Variants in USH2A observed in about 807,000 individuals in gnomAD.
The protein encoded by USH2A is Usher syndrome 2A (autosomal recessive, mild).
USH2A carries 443 observed loss-of-function variants against 538.9 expected under a neutral mutation model. That is an observed-to-expected ratio of 0.82 (90% CI 0.76 to 0.89). The LOEUF is 0.89. Ranked by LOEUF, USH2A falls within the 40% of genes least tolerant of loss-of-function variation. The pLI is 0.00. For missense variants in USH2A, 6,633 were observed against 6,324.8 expected (o/e 1.05, Z -1.65); for synonymous variants, 2,413 against 2,273.5 (o/e 1.06, Z -1.75).
intron 47 of USH2A, among the ~76,000 whole-genome samples, chr1:215,824,859 T>C (rs1482924650): frequency 1.3e-5 from 2 of 152,180 alleles, no homozygotes; most frequent in African/African-American, 4.8e-5. Flanking sequence ...ATTGGGGAGA[T>C]GGGCATTGTG....
rs571844190 is a variant in USH2A at position 216,073,199 on chromosome 1, G to C, written c.5674C>G (p.Leu1892Val). The C allele has an allele frequency of 1.2e-6, 2 of 1,613,736 alleles. No individual in the cohort carries two copies. The highest frequency in any genetic ancestry group is 8.5e-7 in the Non-Finnish European group (1 of 1,179,938). The change falls in exon 28 of 72, where the codon CTA (leucine) becomes GTA (valine). Residue 1892 changes from leucine (L) to valine (V), a missense_variant. Physicochemically the swap from Leu to Val is conservative, Grantham distance 32. Transcript: ENST00000307340. ...GAVRVNLDGC[L>V]STDSAVNCRG... is the part of the protein sequence containing the mutation. ...CAGTTAACAGCACTGTCAGTTGATAGGCATCCATCCAGATTGACTCTGACA... is the reference window on the plus strand; with the variant it reads ...CAGTTAACAGCACTGTCAGTTGATACGCATCCATCCAGATTGACTCTGACA...
chr1:215,634,699 C>G lies in USH2A; in HGVS notation c.15057G>C (p.Leu5019Phe), dbSNP rs144781528. ...TCTTTTTCCCAGGAGTTGTTAGGAC[C>G]AAGCCTGCAAAACCCAGAGAAAGAA... is the stretch of plus-strand genomic sequence containing the variant. ...IQYDTSTGLG[L>F]VLTTPGKKKG... Residue 5019 changes from leucine (L) to phenylalanine (F), a missense_variant, in exon 70 of 72, where the codon TTG (leucine) becomes TTC (phenylalanine). Leu to Phe is a conservative substitution (Grantham distance 22). Transcript: ENST00000307340. The G allele has an allele frequency of 4.3e-6, 7 of 1,614,114 alleles. No individual in the cohort carries two copies. The highest frequency in any genetic ancestry group is 5.9e-6 in the Non-Finnish European group (7 of 1,180,058).
chr1:215,847,668 AGTTAAACAGCATTAGTCCAAGGATTGG>A (rs1410898274), intron 44 of USH2A, among the ~76,000 whole-genome samples: 2 of 151,972 alleles, frequency 1.3e-5, no homozygotes, highest in African/African-American at 4.8e-5. Flanking sequence ...AAAGAAAAAA[AGTTAAACAGCATTAGTCCAAGGATTGG>A]GAGGAAAAAG....
In USH2A at chr1:215,889,067, A is replaced by G; in HGVS notation, c.7595-13T>C. 6.2e-7 allele frequency: 1 copy of G among 1,612,732 alleles called. No homozygotes were observed. Among genetic ancestry groups the G allele is most frequent in the South Asian group, 1.1e-5 (1 of 91,086 alleles). On this transcript the variant is annotated splice_polypyrimidine_tract_variant and intron_variant, in intron 40 of 71. Transcript: ENST00000307340. ...ACAGGTCCAGGTTCTGTAAAGTAAA[A>G]TAAATCCAGAAAGTCAGACCTCTTG...
chr1:215,962,554 C>G (rs750569355), intron 37 of USH2A, among the ~76,000 whole-genome samples: 4 of 151,802 alleles, frequency 2.6e-5, no homozygotes, highest in Non-Finnish European at 5.9e-5. Flanking sequence ...AAGCATGGTG[C>G]AAAATAATGT....
intron 3 of USH2A, among the ~76,000 whole-genome samples, chr1:216,366,100 G>C (rs2038590891): frequency 6.6e-6 from 1 of 152,072 alleles, no homozygotes; most frequent in Non-Finnish European, 1.5e-5. Flanking sequence ...TTTTGTTCAA[G>C]TGCTTTTAGC....
chr1:216,011,906 C>T (rs1216955096), intron 32 of USH2A, among the ~76,000 whole-genome samples: 1 of 149,878 alleles, frequency 6.7e-6, no homozygotes, highest in African/African-American at 2.5e-5. Context: ...CTCTCTGATC[C>T]ACCTGACATT....
chr1:215,820,513 T>C (rs1241962221), intron 47 of USH2A, among the ~76,000 whole-genome samples: 4 of 151,754 alleles, frequency 2.6e-5, no homozygotes, highest in African/African-American at 7.2e-5. Flanking sequence ...AATACATTCA[T>C]ATAATTTGTA....
At chr1:215,658,892 T>C (rs1657352189) in intron 64 of USH2A, among the ~76,000 whole-genome samples, 1 of 152,242 alleles carries the variant, frequency 6.6e-6, no homozygotes, top group Admixed American at 6.5e-5. Flanking sequence ...CACAATAAGT[T>C]GCTAGAAGAA....
intron 70 of USH2A, among the ~76,000 whole-genome samples, chr1:215,631,481 G>A (rs1656282608): frequency 6.6e-6 from 1 of 152,138 alleles, no homozygotes; most frequent in Admixed American, 6.5e-5. Context: ...TGTCTCTCAT[G>A]GTCTCCAACT....
intron 10 of USH2A, among the ~76,000 whole-genome samples, chr1:216,290,474 A>C (rs1338338012): frequency 6.6e-6 from 1 of 152,164 alleles, no homozygotes; most frequent in African/African-American, 2.4e-5. Flanking sequence ...GTGCTGTGTA[A>C]TACAGTAGTA....
intron 9 of USH2A, among the ~76,000 whole-genome samples, chr1:216,301,209 G>C (rs746849928): frequency 6.6e-6 from 1 of 152,078 alleles, no homozygotes; most frequent in Non-Finnish European, 1.5e-5. Flanking sequence ...TTTGAAAAAA[G>C]AAGGAAGAAA....
chr1:215,967,084 C>G (rs1667364517), intron 36 of USH2A, among the ~76,000 whole-genome samples: 1 of 152,158 alleles, frequency 6.6e-6, no homozygotes, highest in Non-Finnish European at 1.5e-5. Context: ...GTTGGCTTGG[C>G]TTTGGCCTGG....
chr1:215,732,994 C>A (rs1660050415), intron 60 of USH2A, among the ~76,000 whole-genome samples: 1 of 152,090 alleles, frequency 6.6e-6, no homozygotes, highest in African/African-American at 2.4e-5. Context: ...TATTAGGCTC[C>A]TTTTGCATTG....
At position 215,758,671 on chromosome 1, in the gene USH2A, T is replaced by C. The variant is rs1218823336; in HGVS notation, c.11313A>G (p.Thr3771=). 4 of 1,613,928 alleles carry C rather than the reference T, an allele frequency of 2.5e-6. No individual in the cohort carries two copies. The highest frequency in any genetic ancestry group is 3.4e-6 in the Non-Finnish European group (4 of 1,179,858). The change falls in exon 58 of 72, where the codon ACA becomes ACG. Residue 3771 remains threonine (T), a synonymous_variant. Coordinates refer to ENST00000307340, the MANE Select transcript of USH2A (RefSeq NM_206933.4). The part of the protein sequence containing the change: ...DDYIVQTPMS[T]PEEIYPPYNI... The stretch of plus-strand genomic sequence containing the variant: ...TATATGGAGGATAGATTTCTTCTGG[T>C]GTTGACATAGGTGTTTGAACAATGT...
intron 10 of USH2A, 46 bp from the exon 11 acceptor site, chr1:216,289,456 A>C (rs2036956792): frequency 2.5e-6 from 4 of 1,612,170 alleles, no homozygotes; most frequent in Non-Finnish European, 3.4e-6. Context: ...ATTCATTAAA[A>C]TCAGCTGCAT....
chr1:216,188,922 T>C (rs979747654), intron 20 of USH2A, among the ~76,000 whole-genome samples: 1 of 151,960 alleles, frequency 6.6e-6, no homozygotes, highest in Non-Finnish European at 1.5e-5. Flanking sequence ...GTAAGACTGA[T>C]TCTTATTTTA....
rs1436699203 is a variant in USH2A, at chr1:215,625,347, C to T, written c.*434G>A. Reference sequence around the variant, plus strand: ...AATAACTATTCTTGCAGGATTGTGTCAACCCTGACAGAAATGGCAGATAGA... The same window carrying T: ...AATAACTATTCTTGCAGGATTGTGTTAACCCTGACAGAAATGGCAGATAGA... On this transcript the variant is annotated 3_prime_UTR_variant, in exon 72 of 72. Coordinates refer to ENST00000307340, the MANE Select transcript of USH2A (RefSeq NM_206933.4). 3 of 240,072 alleles carry T rather than the reference C, an allele frequency of 1.2e-5. No individual in the cohort carries two copies. Among genetic ancestry groups the T allele is most frequent in the Non-Finnish European group, 2.5e-5 (3 of 121,344 alleles). The allele number at this position is 240,072 out of a possible 1,614,324, so 14.9% of individuals were successfully genotyped here. A position where few individuals can be genotyped will look rare whatever the true frequency, so the allele number is the denominator to read the frequency against.
intron 47 of USH2A, among the ~76,000 whole-genome samples, chr1:215,831,335 G>A (rs1036659507): frequency 2.0e-5 from 3 of 152,066 alleles, no homozygotes; most frequent in African/African-American, 4.8e-5. Context: ...GTATATAGAT[G>A]ATCTGAACAC....
Sources: gnomAD v4.1 joint callset for allele counts (sites outside exome capture counted in the v4.1 genomes callset) on GRCh38, gnomAD v4.1.1 for gene constraint, MANE v1.5 for transcripts, NCBI Gene and HGNC (gene_info 2026-07-23, HGNC 2026-07-21) for gene names.